Variants in NXPE2 observed in about 807,000 individuals in gnomAD.
NXPE2 encodes neurexophilin and PC-esterase domain family member 2.
NXPE2 carries 34 observed loss-of-function variants against 34.4 expected under a neutral mutation model. The observed-to-expected ratio is 0.99, with a 90% CI of 0.75 to 1.31. The LOEUF (loss-of-function observed/expected upper bound fraction) is 1.31. Ranked by LOEUF, NXPE2 falls within the 40% of genes most tolerant of loss-of-function variation. The pLI is 0.00. For synonymous variants in NXPE2, 235 were observed against 231.3 expected (o/e 1.02, Z -0.15); for missense variants, 649 against 672.5 (o/e 0.97, Z 0.39).
the NXPE2 span, among the ~76,000 whole-genome samples, chr11:114,588,370 C>T: frequency 1.3e-5 from 2 of 152,080 alleles, no homozygotes; most frequent in Non-Finnish European, 2.9e-5. Context: ...TTCTGATGAC[C>T]CTGATAAGTA....
the NXPE2 span, among the ~76,000 whole-genome samples, chr11:114,489,039 C>T: frequency 3.9e-5 from 6 of 152,286 alleles, no homozygotes; most frequent in African/African-American, 1.4e-4. Context: ...GACCACTGAT[C>T]CTCCAGAAAT....
chr11:114,550,142 A>G, the NXPE2 span, among the ~76,000 whole-genome samples: 1 of 152,168 alleles, frequency 6.6e-6, no homozygotes, highest in Non-Finnish European at 1.5e-5. Context: ...TAGTCTTCCA[A>G]GGTTAACTTA....
At chr11:114,735,070 A>G in the NXPE2 span, among the ~76,000 whole-genome samples, 3 of 152,182 alleles carry the variant, frequency 2.0e-5, no homozygotes, top group Non-Finnish European at 2.9e-5. Context: ...AGATTGCACC[A>G]CTGCACTCTA....
downstream of NXPE2, among the ~76,000 whole-genome samples, chr11:114,710,748 T>C (rs1010393643): frequency 1.3e-5 from 2 of 152,096 alleles, no homozygotes; most frequent in East Asian, 3.9e-4. Flanking sequence ...ACTCATTCTA[T>C]GAGGCAAGTA....
chr11:114,527,208 A>T, the NXPE2 span: 2 of 152,448 alleles, frequency 1.3e-5, no homozygotes, highest in Admixed American at 6.5e-5. Flanking sequence ...CCTTGTTATG[A>T]CATCAGCACA....
At chr11:114,534,382 TCTC>T in the NXPE2 span, among the ~76,000 whole-genome samples, 1 of 152,112 alleles carries the variant, frequency 6.6e-6, no homozygotes, top group East Asian at 1.9e-4. Flanking sequence ...GAGCGCCTCT[TCTC>T]CTCCAAAGGA....
chr11:114,517,329 TC>T, the NXPE2 span, among the ~76,000 whole-genome samples: 3 of 152,162 alleles, frequency 2.0e-5, no homozygotes, highest in Non-Finnish European at 4.4e-5. Context: ...ACATCCCTCC[TC>T]CCTTACCCAG....
At chr11:114,505,865 T>C in the NXPE2 span, among the ~76,000 whole-genome samples, 1 of 152,070 alleles carries the variant, frequency 6.6e-6, no homozygotes, top group Non-Finnish European at 1.5e-5. Context: ...TACATCCCCA[T>C]ATACCAATAA....
chr11:114,647,636 G>A, the NXPE2 span, among the ~76,000 whole-genome samples: 1 of 151,848 alleles, frequency 6.6e-6, no homozygotes, highest in Non-Finnish European at 1.5e-5. Flanking sequence ...GATTATATAT[G>A]GTTATTTATT....
chr11:114,792,813 A>G, the NXPE2 span, among the ~76,000 whole-genome samples: 1 of 152,234 alleles, frequency 6.6e-6, no homozygotes, highest in South Asian at 2.1e-4. Flanking sequence ...TACGTATGTT[A>G]TCTCATTTAG....
At chr11:114,685,122 C>T (rs1412154548) in intron 2 of NXPE2, among the ~76,000 whole-genome samples, 1 of 152,004 alleles carries the variant, frequency 6.6e-6, no homozygotes, top group African/African-American at 2.4e-5. Flanking sequence ...TTAGGGTCTT[C>T]TGAAAAAATA....
At chr11:114,654,095 G>A in the NXPE2 span, among the ~76,000 whole-genome samples, 1 of 152,162 alleles carries the variant, frequency 6.6e-6, no homozygotes, top group East Asian at 1.9e-4. Flanking sequence ...CAAAGAAGCA[G>A]GAGATGAAGT....
chr11:114,560,782 C>A, the NXPE2 span, among the ~76,000 whole-genome samples: 6 of 152,190 alleles, frequency 3.9e-5, no homozygotes, highest in Non-Finnish European at 8.8e-5. Flanking sequence ...CCTATTAATC[C>A]TTCTTTCCCC....
chr11:114,753,306 T>A, the NXPE2 span, among the ~76,000 whole-genome samples: 43 of 152,100 alleles, frequency 2.8e-4, no homozygotes, highest in African/African-American at 1.0e-3. Flanking sequence ...CCAGGGAGGA[T>A]CCCTTGAGCC....
At chr11:114,505,560 A>G in the NXPE2 span, among the ~76,000 whole-genome samples, 1 of 152,152 alleles carries the variant, frequency 6.6e-6, no homozygotes, top group Non-Finnish European at 1.5e-5. Flanking sequence ...GAGGAGATTG[A>G]GGGTCAATAT....
the NXPE2 span, among the ~76,000 whole-genome samples, chr11:114,787,253 C>T: frequency 6.6e-6 from 1 of 152,186 alleles, no homozygotes; most frequent in Non-Finnish European, 1.5e-5. Flanking sequence ...GCAAGGACAC[C>T]TTCCCACCCT....
the NXPE2 span, among the ~76,000 whole-genome samples, chr11:114,591,083 C>T: frequency 6.6e-6 from 1 of 152,142 alleles, no homozygotes; most frequent in Non-Finnish European, 1.5e-5. Context: ...CCAGACTGGA[C>T]CATCTTCACA....
the NXPE2 span, among the ~76,000 whole-genome samples, chr11:114,467,154 C>G: frequency 6.6e-6 from 1 of 152,262 alleles, no homozygotes; most frequent in Non-Finnish European, 1.5e-5. Flanking sequence ...AAACATCTAT[C>G]TGTAGTGAAA....
the NXPE2 span, among the ~76,000 whole-genome samples, chr11:114,803,688 T>C: frequency 2.1e-3 from 319 of 152,106 alleles, 5 homozygotes; most frequent in Admixed American, 0.019. Context: ...GCAATTCTCC[T>C]GCCTCAGCCT....
Sources: allele counts gnomAD v4.1 joint callset (sites outside exome capture counted in the v4.1 genomes callset), GRCh38; gene constraint gnomAD v4.1.1; transcripts MANE v1.5; gene names NCBI Gene and HGNC (gene_info 2026-07-23, HGNC 2026-07-21).